Variants in LPCAT1 observed in about 807,000 individuals in gnomAD.
LPCAT1 encodes 1-acylglycerol-3-phosphate O-acyltransferase.
Under a neutral mutation model 60.9 loss-of-function variants are expected in LPCAT1, and 23 were observed. The ratio of observed to expected loss-of-function variants is 0.38; its 90% CI spans 0.27 to 0.53. The LOEUF (loss-of-function observed/expected upper bound fraction) is 0.53. Ranked by LOEUF, LPCAT1 falls within the 20% of genes least tolerant of loss-of-function variation. LPCAT1 has a pLI of 0.82. For missense variants in LPCAT1, 622 were observed against 723.6 expected, an observed-to-expected ratio of 0.86 and a Z score of 1.61; for synonymous variants, 340 against 301.1, an observed-to-expected ratio of 1.13 and a Z score of -1.34.
rs533711017 is a variant in LPCAT1, at chr5:1,494,929, G to T, written c.279-15C>A. On this transcript the variant is annotated splice_polypyrimidine_tract_variant and intron_variant, in intron 2 of 13. Transcript: ENST00000283415. ...AGTCCACAACCCTGCAAAAGAGGGC[G>T]CTGCGTCACGCGGGCACACGTCCGC... The T allele has an allele frequency of 1.3e-6, 2 of 1,579,758 alleles. No individual in the cohort carries two copies. Among genetic ancestry groups the T allele is most frequent in the Non-Finnish European group, 1.7e-6 (2 of 1,161,214 alleles).
chr5:1,504,991 G>C (rs1277970812), intron 1 of LPCAT1, among the ~76,000 whole-genome samples: 4 of 151,142 alleles, frequency 2.6e-5, no homozygotes, highest in Non-Finnish European at 5.9e-5. Context: ...CGCTGTTCCT[G>C]AAACAGCACC....
In LPCAT1 at chr5:1,495,792, C is replaced by A. The variant is rs1033836169; in HGVS notation, c.279-878G>T. The stretch of plus-strand genomic sequence containing the variant: ...TGCACAGAGAAACAAGAGCCTGAAG[C>A]CTTACTGGATTCACATTGCCCTGGG... On this transcript the variant is annotated intron_variant, in intron 2 of 13. Transcript: ENST00000283415. This position sits in a 1 kb window ranked among gnomAD's most constrained non-coding sequence, Gnocchi z 4.7. Among the ~76,000 whole-genome samples, 2 of 152,192 alleles carry A rather than the reference C, an allele frequency of 1.3e-5. No homozygotes were observed. Among genetic ancestry groups the A allele is most frequent in the Admixed American group, 6.5e-5 (1 of 15,286 alleles).
At chr5:1,507,340 A>G (rs1032144867) in intron 1 of LPCAT1, among the ~76,000 whole-genome samples, 1 of 152,256 alleles carries the variant, frequency 6.6e-6, no homozygotes. Context: ...TGTGTGAGCC[A>G]TAAGTGAGGG....
chr5:1,513,104 C>A (rs999036247), intron 1 of LPCAT1, among the ~76,000 whole-genome samples: 6 of 152,188 alleles, frequency 3.9e-5, no homozygotes, highest in African/African-American at 1.4e-4. Flanking sequence ...CAGCCGATGC[C>A]CCAGTTCCTG....
In LPCAT1 at chr5:1,483,251, C is replaced by G. The variant is rs565851802; in HGVS notation, c.726+177G>C. On this transcript the variant is annotated intron_variant, in intron 6 of 13. Transcript: ENST00000283415. This position sits in a 1 kb window ranked among gnomAD's most constrained non-coding sequence, Gnocchi z 9.2. The stretch of plus-strand genomic sequence containing the variant: ...TCAGGAACGTGCCGAGCCCAGGGCC[C>G]GGGCCTGTCCTGCCCTCTCCAGCGC... 3.3e-5 allele frequency among the ~76,000 whole-genome samples: 5 copies of G among 152,276 alleles called. 1 individual carries two copies. The South Asian group carries it at 1.0e-3, about 32-fold the overall frequency.
In LPCAT1 at chr5:1,495,511, T is replaced by C. The variant is rs1735757882; in HGVS notation, c.279-597A>G. On this transcript the variant is annotated intron_variant, in intron 2 of 13. Transcript: ENST00000283415. The surrounding 1 kb of genome is among the most constrained non-coding windows in gnomAD (Gnocchi z 4.7). ...AAAATAAAGTAAAAATCAGCCTAGG[T>C]TAACTGAATTTGTGTACTCTTTATC... 6.6e-6 allele frequency among the ~76,000 whole-genome samples: 1 copy of C among 152,174 alleles called. No individual in the cohort carries two copies. Among genetic ancestry groups the C allele is most frequent in the African/African-American group, 2.4e-5 (1 of 41,436 alleles).
rs921627114 is a variant in LPCAT1, at chr5:1,502,016, G to A, written c.136-413C>T. 1.3e-5 allele frequency among the ~76,000 whole-genome samples: 2 copies of A among 152,062 alleles called. No individual in the cohort carries two copies. Among genetic ancestry groups the A allele is most frequent in the Non-Finnish European group, 2.9e-5 (2 of 68,010 alleles). On this transcript the variant is annotated intron_variant, in intron 1 of 13. Coordinates refer to ENST00000283415, the MANE Select transcript of LPCAT1 (RefSeq NM_024830.5). This position sits in a 1 kb window ranked among gnomAD's most constrained non-coding sequence, Gnocchi z 5.5. ...TGACCAAGGCTGACCAACATTGACC[G>A]GCACTGACCAAGGCTGACCGGTGCT...
Position 1,464,788 on chromosome 5 carries a change from G to A in LPCAT1, c.1421-953C>T, listed in dbSNP as rs1011616746. 1.9e-4 allele frequency among the ~76,000 whole-genome samples: 28 copies of A among 145,686 alleles called. No homozygotes were observed. In the South Asian group the frequency reaches 2.0e-3, roughly 10 times the overall value. On this transcript the variant is annotated intron_variant, in intron 13 of 13. Transcript: ENST00000283415. ...ACACACGGTAACCAAACACACGTGC[G>A]CGCACACACACAAAACAAGCACACA...
At chr5:1,498,920 C>A (rs889716845) in intron 2 of LPCAT1, among the ~76,000 whole-genome samples, 1 of 147,046 alleles carries the variant, frequency 6.8e-6, no homozygotes, top group African/African-American at 2.4e-5. Flanking sequence ...CACTCACATG[C>A]GCATATGTAC....
chr5:1,521,168 T>C lies in LPCAT1; in HGVS notation c.135+2542A>G, dbSNP rs983080077. 6.6e-6 allele frequency among the ~76,000 whole-genome samples: 1 copy of C among 152,250 alleles called. No individual in the cohort carries two copies. Among genetic ancestry groups the C allele is most frequent in the African/African-American group, 2.4e-5 (1 of 41,464 alleles). ...AGACCCTGATGGCTTTGATACCTCT[T>C]TTCAGATCTTAATGTGCTGTTTTCT... is the stretch of plus-strand genomic sequence containing the variant. On this transcript the variant is annotated intron_variant, in intron 1 of 13. Transcript: ENST00000283415. The surrounding 1 kb of genome is among the most constrained non-coding windows in gnomAD (Gnocchi z 4.3).
intron 2 of LPCAT1, among the ~76,000 whole-genome samples, chr5:1,498,033 T>G (rs760989898): frequency 1.3e-4 from 20 of 152,254 alleles, no homozygotes; most frequent in Non-Finnish European, 2.4e-4. Context: ...ACTGTGTCAT[T>G]CTTTCACTGA....
In LPCAT1 at chr5:1,496,076, T is replaced by G. The variant is rs1297746225; in HGVS notation, c.279-1162A>C. Among the ~76,000 whole-genome samples, 1 of 152,176 alleles carries G rather than the reference T, an allele frequency of 6.6e-6. No homozygotes were observed. The highest frequency in any genetic ancestry group is 1.9e-4 in the East Asian group (1 of 5,202). ...AGCTGCATATTTAAAAATGTACTTT[T>G]CTGGCCAGGCATGGTGGCTCACGCC... On this transcript the variant is annotated intron_variant, in intron 2 of 13. Transcript: ENST00000283415. The surrounding 1 kb of genome is among the most constrained non-coding windows in gnomAD (Gnocchi z 4.7).
At position 1,461,870 on chromosome 5, in the gene LPCAT1, C is replaced by T. The variant is rs1346440864; in HGVS notation, c.*1781G>A. Reference sequence around the variant, plus strand: ...TCATTGGCCATTTGCAGGCTCTTCTCCTTGAAAAATGAATCTTTACGCATT... The same window carrying T: ...TCATTGGCCATTTGCAGGCTCTTCTTCTTGAAAAATGAATCTTTACGCATT... On this transcript the variant is annotated 3_prime_UTR_variant, in exon 14 of 14. Transcript: ENST00000283415. 2.0e-5 allele frequency: 3 copies of T among 152,552 alleles called. No individual in the cohort carries two copies. The highest frequency in any genetic ancestry group is 7.2e-5 in the African/African-American group (3 of 41,426). The allele number at this position is 152,552 out of a possible 1,614,324, so 9.4% of individuals were successfully genotyped here. A position where few individuals can be genotyped will look rare whatever the true frequency, so the allele number is the denominator to read the frequency against.
Position 1,523,576 on chromosome 5 carries a change from G to A in LPCAT1, c.135+134C>T, listed in dbSNP as rs1736741613. On this transcript the variant is annotated intron_variant, in intron 1 of 13. Transcript: ENST00000283415. This position sits in a 1 kb window ranked among gnomAD's most constrained non-coding sequence, Gnocchi z 7.1. ...CGAACTGAGGGGCGGCCGCGGGGAG[G>A]GAAGGCGCCGCGGCTCGCAGGGCCG... The A allele has an allele frequency of 5.8e-6, 3 of 520,120 alleles. No individual in the cohort carries two copies. The highest frequency in any genetic ancestry group is 7.5e-6 in the Non-Finnish European group (3 of 401,910). 32.2% of individuals were successfully genotyped at this position (520,120 alleles called of 1,614,324 possible).
intron 12 of LPCAT1, among the ~76,000 whole-genome samples, chr5:1,470,578 C>T (rs1189239581): frequency 6.6e-6 from 1 of 152,192 alleles, no homozygotes; most frequent in Non-Finnish European, 1.5e-5. Context: ...CCCAGGTGCC[C>T]CAGGACCCAG....
chr5:1,494,265 T>C (rs1579792067), intron 3 of LPCAT1, among the ~76,000 whole-genome samples: 1 of 152,360 alleles, frequency 6.6e-6, no homozygotes. Flanking sequence ...GAGCAAGCAC[T>C]GTAGCCTGTT....
intron 1 of LPCAT1, among the ~76,000 whole-genome samples, chr5:1,517,638 T>C (rs1368321446): frequency 6.6e-6 from 1 of 151,054 alleles, no homozygotes; most frequent in Non-Finnish European, 1.5e-5. Flanking sequence ...AGGCACAAAA[T>C]CCTAACATGT....
intron 5 of LPCAT1, among the ~76,000 whole-genome samples, chr5:1,484,261 G>A (rs1735286835): frequency 6.6e-6 from 1 of 152,258 alleles, no homozygotes; most frequent in South Asian, 2.1e-4. Context: ...CACTGGAATT[G>A]TGGCTGTACC....
At chr5:1,515,551 C>T (rs1736483440) in intron 1 of LPCAT1, among the ~76,000 whole-genome samples, 2 of 147,332 alleles carry the variant, frequency 1.4e-5, no homozygotes, top group Admixed American at 1.4e-4. Context: ...CCCCCCAGAA[C>T]ATCTTGGCCC....
Sources: gnomAD v4.1 joint callset for allele counts (sites outside exome capture counted in the v4.1 genomes callset) on GRCh38, gnomAD v4.1.1 for gene constraint, Gnocchi (gnomAD v3.1) non-coding constraint, MANE v1.5 for transcripts, NCBI Gene and HGNC (gene_info 2026-07-23, HGNC 2026-07-21) for gene names.